ENPP2: variants seen among roughly 807,000 people sequenced by gnomAD.
ENPP2 encodes the protein ectonucleotide pyrophosphatase/phosphodiesterase 2.
A neutral mutation model predicts 120.2 loss-of-function variants in ENPP2; 51 were observed. The ratio of observed to expected loss-of-function variants is 0.42; its 90% CI spans 0.34 to 0.54. ENPP2 has a LOEUF of 0.54. Among genes scored for constraint, ENPP2 ranks in the 20% least tolerant of loss-of-function variants. ENPP2 has a pLI of 0.04. For missense variants in ENPP2, 920 were observed against 1,066.5 expected, an observed-to-expected ratio of 0.86 and a Z score of 1.91; for synonymous variants, 365 against 366.4, an observed-to-expected ratio of 1.00 and a Z score of 0.04.
intron 4 of ENPP2, among the ~76,000 whole-genome samples, chr8:119,620,311 C>T (rs191794347): frequency 6.6e-6 from 1 of 152,184 alleles, no homozygotes; most frequent in African/African-American, 2.4e-5. Context: ...ACTTACTGCA[C>T]AGGCAAATTA....
intron 9 of ENPP2, among the ~76,000 whole-genome samples, chr8:119,603,790 C>T (rs960203715): frequency 1.3e-4 from 20 of 151,876 alleles, no homozygotes; most frequent in African/African-American, 4.4e-4. Context: ...TTTGTGTAAA[C>T]GTAAATAAAG....
chr8:119,620,504 T>A (rs924842755), intron 4 of ENPP2, among the ~76,000 whole-genome samples: 1 of 152,224 alleles, frequency 6.6e-6, no homozygotes, highest in Non-Finnish European at 1.5e-5. Flanking sequence ...ACTTGATTTT[T>A]TTCCTGAAAT....
intron 9 of ENPP2, among the ~76,000 whole-genome samples, chr8:119,606,889 T>C (rs1814755902): frequency 6.6e-6 from 1 of 151,664 alleles, no homozygotes; most frequent in African/African-American, 2.4e-5. Flanking sequence ...AACATCTCAG[T>C]GGGAACAAAA....
intron 1 of ENPP2, among the ~76,000 whole-genome samples, chr8:119,671,772 G>T (rs1009030169): frequency 1.3e-5 from 2 of 152,200 alleles, no homozygotes; most frequent in Non-Finnish European, 2.9e-5. Context: ...GGTTAAAGCC[G>T]CTGGAGTGAA....
chr8:119,582,301 C>T, intron 18 of ENPP2, 117 bp downstream of exon 18: 5 of 738,108 alleles, frequency 6.8e-6, no homozygotes, highest in Non-Finnish European at 1.1e-5. Flanking sequence ...TAGCCAGTAG[C>T]TACCATTTTG....
At chr8:119,603,477 C>T (rs1814462422) in intron 9 of ENPP2, among the ~76,000 whole-genome samples, 1 of 152,108 alleles carries the variant, frequency 6.6e-6, no homozygotes, top group Non-Finnish European at 1.5e-5. Context: ...AGCTATGAGG[C>T]CAGAGTGCTT....
At chr8:119,670,410 A>G (rs1717238713) in intron 1 of ENPP2, among the ~76,000 whole-genome samples, 3 of 152,240 alleles carry the variant, frequency 2.0e-5, no homozygotes, top group Non-Finnish European at 2.9e-5. Context: ...ATCTAATTCA[A>G]TGCTTAAACA....
At chr8:119,626,811 G>A (rs779246778) in intron 2 of ENPP2, 91 bp from the exon 3 acceptor site, 9 of 1,186,864 alleles carry the variant, frequency 7.6e-6, no homozygotes, top group Non-Finnish European at 1.1e-5. Context: ...GTGTGATGCT[G>A]CAGTGGACTC....
chr8:119,633,222 G>A (rs548106728), intron 2 of ENPP2, among the ~76,000 whole-genome samples: 19 of 152,102 alleles, frequency 1.2e-4, no homozygotes, highest in Admixed American at 2.6e-4. Context: ...AATGTCCCCC[G>A]TAAAGATGCA....
At chr8:119,589,882 A>G (rs942932321) in intron 13 of ENPP2, among the ~76,000 whole-genome samples, 1 of 152,210 alleles carries the variant, frequency 6.6e-6, no homozygotes, top group Non-Finnish European at 1.5e-5. Context: ...TTAAGTTTGT[A>G]TCAGTGGTAG....
At chr8:119,584,107 A>C in intron 15 of ENPP2, 58 bp from the exon 16 acceptor site, 1 of 1,223,362 alleles carries the variant, frequency 8.2e-7, no homozygotes, top group South Asian at 1.2e-5. Context: ...CTTTGATAAA[A>C]AGGTAATTTC....
At chr8:119,649,083 C>T (rs1188077439) in intron 1 of ENPP2, among the ~76,000 whole-genome samples, 1 of 151,952 alleles carries the variant, frequency 6.6e-6, no homozygotes, top group Non-Finnish European at 1.5e-5. Context: ...AATAGACAAT[C>T]TAAAAGTTAA....
chr8:119,608,805 A>G (rs1286291208), intron 8 of ENPP2, among the ~76,000 whole-genome samples: 1 of 152,236 alleles, frequency 6.6e-6, no homozygotes, highest in East Asian at 1.9e-4. Flanking sequence ...ATGAGTTAAT[A>G]CATTTAAAGT....
At chr8:119,610,016 A>G (rs959988080) in intron 8 of ENPP2, among the ~76,000 whole-genome samples, 5 of 152,236 alleles carry the variant, frequency 3.3e-5, no homozygotes, top group Admixed American at 1.3e-4. Flanking sequence ...GATCACTGGA[A>G]GAGGTCTTTA....
In ENPP2 at chr8:119,562,993, A is replaced by G. The variant is rs61758150; in HGVS notation, c.2285T>C (p.Ile762Thr). ...KIKQYVEGSSIPVPTHYYSII... is the reference protein window; with the variant it reads ...KIKQYVEGSSTPVPTHYYSII... ...GCTGTAGTAGTGAGTTGGAACAGGAATGGAACTGCCTTCCACGTACCTGAA... is the reference window on the plus strand; with the variant it reads ...GCTGTAGTAGTGAGTTGGAACAGGAGTGGAACTGCCTTCCACGTACCTGAA... Residue 762 changes from isoleucine to threonine, a missense_variant, in exon 24 of 25, where the codon ATT (isoleucine) becomes ACT (threonine). Physicochemically the swap from Ile to Thr is moderately conservative, Grantham distance 89. Transcript: ENST00000075322. 1.5e-5 allele frequency: 24 copies of G among 1,613,896 alleles called. No individual in the cohort carries two copies. The highest frequency in any genetic ancestry group is 2.0e-5 in the Non-Finnish European group (24 of 1,179,928).
intron 15 of ENPP2, 48 bp downstream of exon 15, chr8:119,586,137 AG>A: frequency 6.3e-7 from 1 of 1,582,414 alleles, no homozygotes; most frequent in African/African-American, 1.4e-5. Context: ...CAGTTGCCAA[AG>A]GGGTGGTTGT....
intron 1 of ENPP2, among the ~76,000 whole-genome samples, chr8:119,645,178 C>T (rs1386576751): frequency 6.6e-6 from 1 of 152,140 alleles, no homozygotes; most frequent in Non-Finnish European, 1.5e-5. Context: ...TGAGCCAGTT[C>T]TAAAAACCAG....
chr8:119,644,601 TATATATATATATATATATATATATACAC>T (rs1457112701), intron 1 of ENPP2, among the ~76,000 whole-genome samples: 2 of 91,672 alleles, frequency 2.2e-5, no homozygotes, highest in Non-Finnish European at 4.2e-5. Flanking sequence ...TATATATATA[TATATATATATATATATATATATATACAC>T]ACACACACAC....
chr8:119,603,074 G>A (rs143706192), intron 9 of ENPP2, among the ~76,000 whole-genome samples: 1 of 152,220 alleles, frequency 6.6e-6, no homozygotes, highest in African/African-American at 2.4e-5. Flanking sequence ...CAATGCTATT[G>A]GATAAATGCG....
Sources: gnomAD v4.1 joint callset for allele counts (sites outside exome capture counted in the v4.1 genomes callset) on GRCh38, gnomAD v4.1.1 for gene constraint, MANE v1.5 for transcripts, NCBI Gene and HGNC (gene_info 2026-07-23, HGNC 2026-07-21) for gene names.